TRHDE: variants seen among roughly 807,000 people sequenced by gnomAD.
TRHDE encodes the protein thyrotropin releasing hormone degrading enzyme.
A neutral mutation model predicts 125.7 loss-of-function variants in TRHDE; 72 were observed. The ratio of observed to expected loss-of-function variants is 0.57; its 90% CI spans 0.47 to 0.70. The LOEUF (loss-of-function observed/expected upper bound fraction) is 0.70, where lower values mean the gene tolerates loss of function less well. Among genes scored for constraint, TRHDE ranks in the 30% least tolerant of loss-of-function variants. The pLI, the probability that TRHDE is intolerant of heterozygous loss-of-function variation, is 0.00. For synonymous variants in TRHDE, 509 were observed against 509.1 expected (o/e 1.00, Z 0.00); for missense variants, 1,110 against 1,327.1 (o/e 0.84, Z 2.54).
chr12:72,268,657 G>A (rs913699850), upstream of TRHDE, among the ~76,000 whole-genome samples: 3 of 152,022 alleles, frequency 2.0e-5, no homozygotes, highest in Non-Finnish European at 4.4e-5. Flanking sequence ...ACAAACCAGT[G>A]TGAAAAGAAA....
chr12:72,214,788 CT>C (rs1877851098), intron 2 of TRHDE, among the ~76,000 whole-genome samples: 1 of 152,088 alleles, frequency 6.6e-6, no homozygotes, highest in Non-Finnish European at 1.5e-5. Context: ...TTTAATTATA[CT>C]TTTTCTCCTT....
At chr12:72,161,687 A>G (rs114713559) in intron 2 of TRHDE, among the ~76,000 whole-genome samples, 196 of 152,300 alleles carry the variant, frequency 1.3e-3, no homozygotes, top group African/African-American at 4.4e-3. Flanking sequence ...TTGAGAACAT[A>G]TCCTGCTTTG....
At chr12:72,155,009 TC>T (rs1347930913) in intron 2 of TRHDE, among the ~76,000 whole-genome samples, 1 of 152,230 alleles carries the variant, frequency 6.6e-6, no homozygotes, top group Non-Finnish European at 1.5e-5. Flanking sequence ...GGTTCCATTC[TC>T]CCCGTCACTT....
rs565888392 is a variant in TRHDE at position 72,504,835 on chromosome 12, T to A, written c.1722+5200T>A. On this transcript the variant is annotated intron_variant, in intron 6 of 18. Transcript: ENST00000261180. ...CAATAATTTCTTGCCACTGCTCTTC[T>A]GTGTTCTTCTCCCTAAAGATCTCTG... 2.0e-5 allele frequency among the ~76,000 whole-genome samples: 3 copies of A among 152,340 alleles called. No individual in the cohort carries two copies. The South Asian group carries it at 6.2e-4, about 32-fold the overall frequency.
intron 2 of TRHDE, among the ~76,000 whole-genome samples, chr12:72,356,725 G>C (rs1870841191): frequency 6.6e-6 from 1 of 151,358 alleles, no homozygotes; most frequent in Non-Finnish European, 1.5e-5. Flanking sequence ...AATTAAAAGG[G>C]CTTGTGATGG....
At chr12:72,102,951 G>A (rs996322453) in intron 1 of TRHDE, among the ~76,000 whole-genome samples, 1 of 152,204 alleles carries the variant, frequency 6.6e-6, no homozygotes, top group African/African-American at 2.4e-5. Context: ...GCTTAACTAG[G>A]CTTGGCCATT....
intron 6 of TRHDE, among the ~76,000 whole-genome samples, chr12:72,510,218 G>A (rs760978004): frequency 8.6e-5 from 13 of 152,040 alleles, no homozygotes; most frequent in Middle Eastern, 6.3e-3. Context: ...TACTCACAGC[G>A]AATCAGTTAC....
rs144205084 is a variant in TRHDE at position 72,309,258 on chromosome 12, A to G, written c.1188+22304A>G. Among the ~76,000 whole-genome samples the G allele has an allele frequency of 9.2e-5, 14 of 152,308 alleles. No homozygotes were observed. In the East Asian group the frequency reaches 2.5e-3, roughly 27 times the overall value. On this transcript the variant is annotated intron_variant, in intron 2 of 18. Transcript: ENST00000261180. ...GAAACAAAGAAGAGGTGAAAAGGAG[A>G]GAGAGAGATCGTCTACTCTTTCAAG...
At chr12:72,616,447 T>C (rs1872814704) in intron 12 of TRHDE, among the ~76,000 whole-genome samples, 1 of 152,104 alleles carries the variant, frequency 6.6e-6, no homozygotes, top group Non-Finnish European at 1.5e-5. Flanking sequence ...ATCCTTTTAT[T>C]TTATAGACAC....
intron 2 of TRHDE, among the ~76,000 whole-genome samples, chr12:72,366,562 G>A (rs1310686484): frequency 5.3e-5 from 8 of 151,932 alleles, no homozygotes; most frequent in East Asian, 1.9e-4. Flanking sequence ...GCAAGGCATC[G>A]TATTAGACAC....
chr12:72,510,078 C>G (rs1045932935), intron 6 of TRHDE, among the ~76,000 whole-genome samples: 2 of 152,108 alleles, frequency 1.3e-5, no homozygotes, highest in Non-Finnish European at 1.5e-5. Flanking sequence ...CATGGGACCC[C>G]CTTCTGTGAG....
chr12:72,490,661 C>T (rs1877626717), intron 5 of TRHDE, among the ~76,000 whole-genome samples: 1 of 149,350 alleles, frequency 6.7e-6, no homozygotes, highest in Admixed American at 6.7e-5. Context: ...TGCCATTTGT[C>T]ATACCATGGA....
At chr12:72,511,422 A>C (rs546019624) in intron 6 of TRHDE, among the ~76,000 whole-genome samples, 12 of 152,292 alleles carry the variant, frequency 7.9e-5, no homozygotes, top group African/African-American at 2.9e-4. Context: ...TGAGTGGTCT[A>C]CTGATACCTA....
chr12:72,507,114 C>G (rs991730678), intron 6 of TRHDE, among the ~76,000 whole-genome samples: 2 of 152,160 alleles, frequency 1.3e-5, no homozygotes, highest in African/African-American at 4.8e-5. Context: ...GGCCTCCCAA[C>G]CCATGCTTCC....
Position 72,632,893 on chromosome 12 carries a change from T to A in TRHDE, c.2675+11142T>A, listed in dbSNP as rs190508493. Among the ~76,000 whole-genome samples the A allele has an allele frequency of 3.2e-4, 49 of 152,112 alleles. 1 individual carries two copies. The East Asian group carries it at 7.7e-3, about 24-fold the overall frequency. On this transcript the variant is annotated intron_variant, in intron 15 of 18. Coordinates refer to ENST00000261180, the MANE Select transcript of TRHDE (RefSeq NM_013381.3). ...GTTGTTTCTGTCTTTTTACTTTTCC[T>A]TTGATGTCTCCTTTTTGACCTTTTC...
chr12:72,134,836 TTTGA>T (rs1381123362), intron 2 of TRHDE, among the ~76,000 whole-genome samples: 6 of 152,110 alleles, frequency 3.9e-5, no homozygotes, highest in Admixed American at 6.5e-5. Flanking sequence ...AGCTGGACAA[TTTGA>T]TTGTGTAATT....
chr12:72,627,746 C>T (rs999922365), intron 15 of TRHDE, among the ~76,000 whole-genome samples: 12 of 151,684 alleles, frequency 7.9e-5, no homozygotes, highest in African/African-American at 2.4e-4. Flanking sequence ...GTGGCACTGT[C>T]ATAAGTTACT....
chr12:72,152,213 A>G (rs1310173888), intron 2 of TRHDE, among the ~76,000 whole-genome samples: 1 of 150,924 alleles, frequency 6.6e-6, no homozygotes, highest in Non-Finnish European at 1.5e-5. Flanking sequence ...TTATTGGTGT[A>G]TAAGAATGCT....
intron 6 of TRHDE, among the ~76,000 whole-genome samples, chr12:72,528,971 A>C (rs908632180): frequency 6.6e-6 from 1 of 152,084 alleles, no homozygotes; most frequent in African/African-American, 2.4e-5. Context: ...TTTATTCTTA[A>C]AATAAAATTA....
Sources: allele counts gnomAD v4.1 joint callset (sites outside exome capture counted in the v4.1 genomes callset), GRCh38; gene constraint gnomAD v4.1.1; transcripts MANE v1.5; gene names NCBI Gene and HGNC (gene_info 2026-07-23, HGNC 2026-07-21).